KANSL1L: variants seen among roughly 807,000 people sequenced by gnomAD.
KANSL1L encodes KAT8 regulatory NSL complex subunit 1 like.
KANSL1L carries 25 observed loss-of-function variants against 108.6 expected under a neutral mutation model. The observed-to-expected ratio is 0.23, with a 90% CI of 0.17 to 0.32. The LOEUF is 0.32. Among genes scored for constraint, KANSL1L ranks in the 10% least tolerant of loss-of-function variants. The probability of loss-of-function intolerance (pLI) is 1.00; values close to 1 mark genes in which losing one functional copy is unlikely to be tolerated. For missense variants in KANSL1L, 1,137 were observed against 1,125.7 expected, an observed-to-expected ratio of 1.01 and a Z score of -0.14; for synonymous variants, 405 against 395.1, an observed-to-expected ratio of 1.03 and a Z score of -0.30.
intron 3 of KANSL1L, among the ~76,000 whole-genome samples, chr2:210,119,345 G>A (rs1045331913): frequency 6.6e-5 from 10 of 152,182 alleles, no homozygotes; most frequent in Admixed American, 1.3e-4. Flanking sequence ...TACAAGGACA[G>A]TATTACTGTG....
At chr2:210,166,857 T>C (rs1688003700) in intron 1 of KANSL1L, among the ~76,000 whole-genome samples, 1 of 152,038 alleles carries the variant, frequency 6.6e-6, no homozygotes, top group East Asian at 1.9e-4. Flanking sequence ...ATGTTTCATA[T>C]AGCTAACCTA....
intron 3 of KANSL1L, among the ~76,000 whole-genome samples, chr2:210,111,207 T>C (rs1202826554): frequency 6.6e-6 from 1 of 150,996 alleles, no homozygotes; most frequent in East Asian, 1.9e-4. Context: ...ATAGCAGCAT[T>C]ATTCATAATA....
At chr2:210,067,824 T>C (rs1486194392) in intron 6 of KANSL1L, among the ~76,000 whole-genome samples, 1 of 152,038 alleles carries the variant, frequency 6.6e-6, no homozygotes, top group Non-Finnish European at 1.5e-5. Flanking sequence ...CATTTGGATA[T>C]CCTCTTTTAC....
At chr2:210,062,017 T>C (rs1457544666) in intron 6 of KANSL1L, among the ~76,000 whole-genome samples, 1 of 152,200 alleles carries the variant, frequency 6.6e-6, no homozygotes, top group East Asian at 1.9e-4. Context: ...CTAAGTAAAA[T>C]GGGGTATGAA....
intron 5 of KANSL1L, among the ~76,000 whole-genome samples, chr2:210,079,082 C>T (rs2094562418): frequency 6.6e-6 from 1 of 152,102 alleles, no homozygotes; most frequent in Non-Finnish European, 1.5e-5. Flanking sequence ...TTCTGAGTAA[C>T]TAGGACTACA....
chr2:210,104,299 C>T lies in KANSL1L; in HGVS notation c.1233G>A (p.Gly411=), dbSNP rs372717450. 3 of 1,609,110 alleles carry T rather than the reference C, an allele frequency of 1.9e-6. No homozygotes were observed. Among genetic ancestry groups the T allele is most frequent in the East Asian group, 2.2e-5 (1 of 44,756 alleles). Reference sequence around the variant, plus strand: ...GCTGACATTCTTCTAGGACCACTATCCCCTAGACAAAAAACAATGAGAAAG... The same window carrying T: ...GCTGACATTCTTCTAGGACCACTATTCCCTAGACAAAAAACAATGAGAAAG... ...DIHRQIRASK[G]IVVLEECQLP... is the part of the protein sequence containing the mutation. The change falls in exon 4 of 15, where the codon GGG becomes GGA. Residue 411 remains glycine, a splice_region_variant and synonymous_variant. Transcript: ENST00000281772.
intron 3 of KANSL1L, among the ~76,000 whole-genome samples, chr2:210,123,651 T>A (rs1336178385): frequency 6.6e-6 from 1 of 152,034 alleles, no homozygotes; most frequent in Non-Finnish European, 1.5e-5. Flanking sequence ...TTATTGTACA[T>A]TTAAAAATAA....
At chr2:210,106,818 T>C (rs1280757219) in intron 3 of KANSL1L, among the ~76,000 whole-genome samples, 1 of 151,458 alleles carries the variant, frequency 6.6e-6, no homozygotes, top group African/African-American at 2.4e-5. Flanking sequence ...GTCAACTTCA[T>C]AATCTGTTTT....
At position 210,075,721 on chromosome 2, in the gene KANSL1L, C is replaced by T. The variant is rs2094537387; in HGVS notation, c.1586G>A (p.Ser529Asn). The T allele has an allele frequency of 1.2e-6, 2 of 1,613,920 alleles. No homozygotes were observed. Among genetic ancestry groups the T allele is most frequent in the Non-Finnish European group, 1.7e-6 (2 of 1,179,916 alleles). The change falls in exon 6 of 15, where the codon AGT becomes AAT. Residue 529 changes from serine (S) to asparagine (N), a missense_variant. Ser to Asn is a conservative substitution (Grantham distance 46). Around this residue, in one of 3 missense-constraint regions of KANSL1L, gnomAD observed 575 missense variants for 567.1 expected, o/e 1.01. Coordinates refer to ENST00000281772, the MANE Select transcript of KANSL1L (RefSeq NM_152519.4). ...GTGCTTCTGGTTAAGTAACCAGCTA[C>T]TGGAGGAAGACAGCTCATCTAAATT... is the stretch of plus-strand genomic sequence containing the variant. ...SENLDELSSS[S>N]SWLLNQKHSK...
intron 6 of KANSL1L, among the ~76,000 whole-genome samples, chr2:210,070,258 T>C (rs1435673941): frequency 9.8e-6 from 1 of 102,000 alleles, no homozygotes; most frequent in East Asian, 3.3e-4. Context: ...TGAGATGGAG[T>C]CTCAATCTGT....
At position 210,079,650 on chromosome 2, in the gene KANSL1L, A is replaced by ATATATATGTGTG. The variant is rs1553653251; in HGVS notation, c.1551-3895_1551-3894insCACACATATATA. Among the ~76,000 whole-genome samples, 144 of 19,506 alleles carry ATATATATGTGTG rather than the reference A, an allele frequency of 7.4e-3. 8 individuals carry two copies. The highest frequency in any genetic ancestry group is 0.059 in the Middle Eastern group (2 of 34). The allele number at this position is 19,506 out of a possible 152,430, so 12.8% of individuals were successfully genotyped here. On this transcript the variant is annotated intron_variant, in intron 5 of 14. Transcript: ENST00000281772. ...TATATATATATATATATATATATAT[A>ATATATATGTGTG]TATATATATATATATGTATGTGTGT...
At chr2:210,159,530 C>G (rs891788411) in intron 1 of KANSL1L, among the ~76,000 whole-genome samples, 2 of 152,150 alleles carry the variant, frequency 1.3e-5, no homozygotes, top group Non-Finnish European at 2.9e-5. Flanking sequence ...ATCTAATCTC[C>G]AGCACTAGAA....
At chr2:210,032,785 G>A (rs1471034961) in intron 8 of KANSL1L, 3 of 152,056 alleles carry the variant, frequency 2.0e-5, no homozygotes, top group Non-Finnish European at 4.4e-5. Context: ...GATGAGTATA[G>A]AAAACTCCAA....
intron 3 of KANSL1L, among the ~76,000 whole-genome samples, chr2:210,118,398 T>C (rs1050527988): frequency 8.0e-6 from 1 of 124,326 alleles, no homozygotes; most frequent in Admixed American, 1.0e-4. Context: ...AATCGGGAGG[T>C]GGAGGTCGCA....
rs771232927 is a variant in KANSL1L at position 210,154,404 on chromosome 2, G to A, written c.179C>T (p.Thr60Ile). The change falls in exon 2 of 15, where the codon ACT becomes ATT. Residue 60 changes from threonine to isoleucine, a missense_variant. Transcript: ENST00000281772. Reference protein sequence around the residue: ...GFPTPEPTLNTNFVNLKHFGS... With the variant: ...GFPTPEPTLNINFVNLKHFGS... ...AAAATGTTTTAAATTCACAAAATTAGTATTAAGAGTAGGTTCAGGAGTTGG... is the reference window on the plus strand; with the variant it reads ...AAAATGTTTTAAATTCACAAAATTAATATTAAGAGTAGGTTCAGGAGTTGG... 5 of 1,611,648 alleles carry A rather than the reference G, an allele frequency of 3.1e-6. No individual in the cohort carries two copies. Among genetic ancestry groups the A allele is most frequent in the East Asian group, 2.2e-5 (1 of 44,852 alleles).
intron 6 of KANSL1L, among the ~76,000 whole-genome samples, chr2:210,046,963 A>G (rs1047700349): frequency 6.6e-6 from 1 of 152,158 alleles, no homozygotes; most frequent in African/African-American, 2.4e-5. Context: ...GTACGGTTCT[A>G]TTGGGCAGTG....
intron 1 of KANSL1L, among the ~76,000 whole-genome samples, chr2:210,170,935 A>C (rs1045003308): frequency 4.7e-5 from 6 of 128,448 alleles, no homozygotes; most frequent in African/African-American, 1.7e-4. Flanking sequence ...TTAGCCGTTT[A>C]AATTTGGCTG....
Position 210,031,575 on chromosome 2 carries a change from T to G in KANSL1L, c.2030-29A>C, listed in dbSNP as rs756390364. On this transcript the variant is annotated intron_variant, in intron 8 of 14. Transcript: ENST00000281772. ...AAACAAATGAAAAGGAAATATTAAGTTTTAGTTCCTTAACACAGACAGTGA... is the reference window on the plus strand; with the variant it reads ...AAACAAATGAAAAGGAAATATTAAGGTTTAGTTCCTTAACACAGACAGTGA... The G allele has an allele frequency of 8.5e-6, 12 of 1,412,272 alleles. 1 individual carries two copies. The South Asian group carries it at 1.5e-4, about 17-fold the overall frequency. 87.5% of individuals were successfully genotyped at this position (1,412,272 alleles called of 1,614,324 possible).
rs993871790 is a variant in KANSL1L, at chr2:210,044,160, T to C, written c.1756-56A>G. 1 of 1,170,134 alleles carries C rather than the reference T, an allele frequency of 8.5e-7. No homozygotes were observed. The highest frequency in any genetic ancestry group is 1.2e-6 in the Non-Finnish European group (1 of 866,692). The allele number at this position is 1,170,134 out of a possible 1,614,324, so 72.5% of individuals were successfully genotyped here. On this transcript the variant is annotated intron_variant, in intron 6 of 14. Transcript: ENST00000281772. This position sits in a 1 kb window ranked among gnomAD's most constrained non-coding sequence, Gnocchi z 4.2. ...AGCCAAAGCATCCATAAATGGCATATCTCTACATTTATTTAGGTTATCTTT... is the reference window on the plus strand; with the variant it reads ...AGCCAAAGCATCCATAAATGGCATACCTCTACATTTATTTAGGTTATCTTT...
Sources: allele counts gnomAD v4.1 joint callset (sites outside exome capture counted in the v4.1 genomes callset), GRCh38; gene constraint gnomAD v4.1.1; regional missense constraint gnomAD v4.1.1; non-coding constraint Gnocchi (gnomAD v3.1); transcripts MANE v1.5; gene names NCBI Gene and HGNC (gene_info 2026-07-23, HGNC 2026-07-21).